EXPH5: variants seen among roughly 807,000 people sequenced by gnomAD.
The protein encoded by EXPH5 is exophilin 5.
In EXPH5, 42 loss-of-function variants were observed where a neutral mutation model predicts 41.1. The observed-to-expected ratio is 1.02, with a 90% CI of 0.80 to 1.32. The LOEUF is 1.32. EXPH5 is among the 40% of genes most tolerant of loss of function. The probability of loss-of-function intolerance (pLI) is 0.00; values close to 1 mark genes in which losing one functional copy is unlikely to be tolerated. For synonymous variants in EXPH5, 798 were observed against 833.5 expected, an observed-to-expected ratio of 0.96 and a Z score of 0.73; for missense variants, 2,298 against 2,314.5, an observed-to-expected ratio of 0.99 and a Z score of 0.15.
rs752297818 is a variant in EXPH5, at chr11:108,510,867, G to A, written c.4640C>T (p.Ala1547Val). 3.7e-6 allele frequency: 6 copies of A among 1,614,000 alleles called. No individual in the cohort carries two copies. In the African/African-American group the frequency reaches 8.0e-5, roughly 22 times the overall value. Residue 1547 changes from alanine (A) to valine (V), a missense_variant, in exon 6 of 6, where the codon GCA becomes GTA. By Grantham distance (64) the Ala-to-Val change is moderately conservative (BLOSUM62 0). Coordinates refer to ENST00000265843, the MANE Select transcript of EXPH5 (RefSeq NM_015065.3). ...PRELPQRSQE[A>V]NMTESRKAED... ...AGCCTTCCTGCTCTCTGTCATATTT[G>A]CCTCCTGACTTCTTTGAGGTAATTC...
intron 1 of EXPH5, among the ~76,000 whole-genome samples, chr11:108,573,571 G>A (rs1243522321): frequency 6.6e-6 from 1 of 152,142 alleles, no homozygotes; most frequent in Non-Finnish European, 1.5e-5. Flanking sequence ...ACTCTTTGTG[G>A]TTATTTGGTT....
intron 1 of EXPH5, among the ~76,000 whole-genome samples, chr11:108,551,513 T>C (rs547561235): frequency 1.3e-5 from 2 of 152,334 alleles, no homozygotes; most frequent in African/African-American, 2.4e-5. Context: ...TTATCTCCTC[T>C]CTGACATCTC....
At chr11:108,532,591 G>C (rs1370301130) in intron 3 of EXPH5, among the ~76,000 whole-genome samples, 3 of 150,974 alleles carry the variant, frequency 2.0e-5, no homozygotes, top group Non-Finnish European at 4.4e-5. Flanking sequence ...CTCATCATTT[G>C]GCCAGTTTCT....
intron 1 of EXPH5, among the ~76,000 whole-genome samples, chr11:108,572,366 C>T (rs114007030): frequency 3.4e-3 from 511 of 151,668 alleles, no homozygotes; most frequent in African/African-American, 0.012. Flanking sequence ...TTCTCTGCTG[C>T]TTTTTATCTC....
chr11:108,521,905 AT>A (rs2135961268), intron 4 of EXPH5, among the ~76,000 whole-genome samples: 1 of 152,340 alleles, frequency 6.6e-6, no homozygotes, highest in South Asian at 2.1e-4. Flanking sequence ...CCAGGATCAC[AT>A]TCCTTTGTAA....
At chr11:108,558,752 G>A (rs993289536) in intron 1 of EXPH5, among the ~76,000 whole-genome samples, 2 of 152,222 alleles carry the variant, frequency 1.3e-5, no homozygotes, top group African/African-American at 4.8e-5. Flanking sequence ...TGCTGAAGGT[G>A]ATGGGAACCT....
intron 1 of EXPH5, among the ~76,000 whole-genome samples, chr11:108,580,440 T>G (rs932447632): frequency 1.3e-5 from 2 of 151,932 alleles, no homozygotes; most frequent in African/African-American, 4.8e-5. Flanking sequence ...AAAAGGGAAC[T>G]CTTATACACT....
At chr11:108,514,951 C>T in intron 5 of EXPH5, 76 bp from the exon 6 acceptor site, 2 of 856,458 alleles carry the variant, frequency 2.3e-6, no homozygotes, top group Non-Finnish European at 3.3e-6. Context: ...TTGAAGGCTC[C>T]TTTTCAAGAA....
chr11:108,563,572 G>A (rs1042770116), intron 1 of EXPH5, among the ~76,000 whole-genome samples: 11 of 152,166 alleles, frequency 7.2e-5, no homozygotes, highest in South Asian at 2.1e-4. Flanking sequence ...AACCCCAGAC[G>A]AGCACACAAG....
chr11:108,532,416 C>G (rs1480303833), intron 3 of EXPH5, among the ~76,000 whole-genome samples: 1 of 108,014 alleles, frequency 9.3e-6, no homozygotes, highest in East Asian at 3.0e-4. Context: ...GGTTTCACTA[C>G]GTTGGCCAGG....
the EXPH5 span, among the ~76,000 whole-genome samples, chr11:108,603,600 T>A: frequency 0.057 from 8,729 of 152,284 alleles, 617 homozygotes; most frequent in African/African-American, 0.16. Flanking sequence ...TGCAGTAAGC[T>A]GGGGATAGTC....
In EXPH5 at chr11:108,514,885, G is replaced by GA; in HGVS notation, c.632-11dup. ...TCCAAGTCATCTAAAACTGAAAAGA[G>GA]AATGTGAATCAACCTTTTTCTGTAT... On this transcript the variant is annotated splice_polypyrimidine_tract_variant and intron_variant, in intron 5 of 5. Coordinates refer to ENST00000265843, the MANE Select transcript of EXPH5 (RefSeq NM_015065.3). The GA allele has an allele frequency of 7.1e-7, 1 of 1,408,874 alleles. No homozygotes were observed. Among genetic ancestry groups the GA allele is most frequent in the Non-Finnish European group, 9.3e-7 (1 of 1,077,876 alleles). 87.3% of individuals were successfully genotyped at this position (1,408,874 alleles called of 1,614,324 possible).
At chr11:108,531,032 G>A (rs778730994) in intron 3 of EXPH5, among the ~76,000 whole-genome samples, 6 of 152,070 alleles carry the variant, frequency 3.9e-5, no homozygotes, top group Non-Finnish European at 8.8e-5. Context: ...CTGGTAAAAG[G>A]CCCCTGGACT....
chr11:108,528,212 T>C, intron 3 of EXPH5, 28 bp from the exon 4 acceptor site: 1 of 1,569,414 alleles, frequency 6.4e-7, no homozygotes, highest in Non-Finnish European at 8.8e-7. Context: ...AATGATTTCT[T>C]TGAAGAAGAG....
In EXPH5 at chr11:108,510,055, G is replaced by T. The variant is rs756847077; in HGVS notation, c.5452C>A (p.Arg1818Ser). The T allele has an allele frequency of 2.5e-6, 4 of 1,611,096 alleles. No homozygotes were observed. Among genetic ancestry groups the T allele is most frequent in the Non-Finnish European group, 3.4e-6 (4 of 1,179,010 alleles). ...RKSHPPKVRERHFSESTSIDN... is the reference protein window; with the variant it reads ...RKSHPPKVRESHFSESTSIDN... Reference sequence around the variant, plus strand: ...ATAGAAGTGCTTTCAGAAAAATGGCGCTCCCTGACTTTTGGAGGATGGCTT... The same window carrying T: ...ATAGAAGTGCTTTCAGAAAAATGGCTCTCCCTGACTTTTGGAGGATGGCTT... The change falls in exon 6 of 6, where the codon CGC (arginine) becomes AGC (serine). Residue 1818 changes from arginine to serine, a missense_variant. Coordinates refer to ENST00000265843, the MANE Select transcript of EXPH5 (RefSeq NM_015065.3).
intron 1 of EXPH5, among the ~76,000 whole-genome samples, chr11:108,564,828 CT>C (rs200340535): frequency 0.013 from 1,771 of 140,604 alleles, 32 homozygotes; most frequent in African/African-American, 0.043. Flanking sequence ...AAAAAGTTTT[CT>C]TTTTTTTTCT....
In EXPH5 at chr11:108,512,500, T is replaced by C. The variant is rs574738214; in HGVS notation, c.3007A>G (p.Ile1003Val). Residue 1003 changes from isoleucine (I) to valine (V), a missense_variant, in exon 6 of 6, where the codon ATT (isoleucine) becomes GTT (valine). Coordinates refer to ENST00000265843, the MANE Select transcript of EXPH5 (RefSeq NM_015065.3). Reference protein sequence around the residue: ...SVPTSDHRSLIEANQSNSKVS... With the variant: ...SVPTSDHRSLVEANQSNSKVS... ...TTGGAATTGCTTTGATTTGCTTCAA[T>C]GAGGCTCCTGTGATCACTGGTGGGT... is the stretch of plus-strand genomic sequence containing the variant. The C allele has an allele frequency of 1.9e-6, 3 of 1,614,110 alleles. No homozygotes were observed. The highest frequency in any genetic ancestry group is 1.7e-5 in the Admixed American group (1 of 60,020).
At chr11:108,573,765 C>A (rs2094070718) in intron 1 of EXPH5, among the ~76,000 whole-genome samples, 1 of 152,152 alleles carries the variant, frequency 6.6e-6, no homozygotes, top group Non-Finnish European at 1.5e-5. Context: ...GAATATTACT[C>A]TAATCTCTAG....
At chr11:108,577,607 G>C (rs190465180) in intron 1 of EXPH5, among the ~76,000 whole-genome samples, 24 of 152,028 alleles carry the variant, frequency 1.6e-4, no homozygotes, top group Admixed American at 1.4e-3. Context: ...ATTTTTAGTA[G>C]AGACAGGGTT....
Sources: allele counts gnomAD v4.1 joint callset (sites outside exome capture counted in the v4.1 genomes callset), GRCh38; gene constraint gnomAD v4.1.1; transcripts MANE v1.5; gene names NCBI Gene and HGNC (gene_info 2026-07-23, HGNC 2026-07-21).